Variants in PDZRN3 observed in about 807,000 individuals in gnomAD.
PDZRN3 encodes E3 ubiquitin-protein ligase PDZRN3.
Under a neutral mutation model 85.7 loss-of-function variants are expected in PDZRN3, and 38 were observed. That is an observed-to-expected ratio of 0.44 (90% CI 0.34 to 0.58). The LOEUF (loss-of-function observed/expected upper bound fraction) is 0.58, where lower values mean the gene tolerates loss of function less well. PDZRN3 is among the 20% of genes least tolerant of loss of function. The pLI is 0.01. For synonymous variants in PDZRN3, 759 were observed against 638.0 expected, an observed-to-expected ratio of 1.19 and a Z score of -2.86; for missense variants, 1,629 against 1,506.4, an observed-to-expected ratio of 1.08 and a Z score of -1.35.
At chr3:73,610,516 A>G (rs1702666759) in intron 1 of PDZRN3, among the ~76,000 whole-genome samples, 1 of 152,266 alleles carries the variant, frequency 6.6e-6, no homozygotes, top group Non-Finnish European at 1.5e-5. Flanking sequence ...TGATTTTCAA[A>G]TTGAAACAGT....
intron 3 of PDZRN3, among the ~76,000 whole-genome samples, chr3:73,407,062 C>G (rs1256281676): frequency 6.6e-6 from 1 of 152,224 alleles, no homozygotes; most frequent in Non-Finnish European, 1.5e-5. Context: ...TTGTGATGGG[C>G]TCCCGCCTAT....
At position 73,624,587 on chromosome 3, in the gene PDZRN3, A is replaced by C; in HGVS notation, c.239T>G (p.Ile80Ser). The change falls in exon 1 of 10, where the codon ATC becomes AGC. Residue 80 changes from isoleucine to serine, a missense_variant. Ile to Ser is a moderately radical substitution (Grantham distance 142). Coordinates refer to ENST00000263666, the MANE Select transcript of PDZRN3 (RefSeq NM_015009.3). ...GCCGCGCGTCGCGTACGCGCACTTG[A>C]TGTCCAGCTTGAGGATAAGGCGCTT... is the stretch of plus-strand genomic sequence containing the variant. ...PLKRLILKLD[I>S]KCAYATRGCG... 3 of 1,553,674 alleles carry C rather than the reference A, an allele frequency of 1.9e-6. No homozygotes were observed. The highest frequency in any genetic ancestry group is 2.4e-5 in the South Asian group (2 of 84,054).
At chr3:73,581,220 T>C (rs1354528896) in intron 3 of PDZRN3, among the ~76,000 whole-genome samples, 2 of 152,268 alleles carry the variant, frequency 1.3e-5, no homozygotes, top group African/African-American at 4.8e-5. Flanking sequence ...TTGCTTATGA[T>C]GTTTTTTATT....
chr3:73,400,707 T>A (rs549725209), intron 5 of PDZRN3, among the ~76,000 whole-genome samples: 1 of 152,352 alleles, frequency 6.6e-6, no homozygotes, highest in East Asian at 1.9e-4. Flanking sequence ...AAAAAAAGTT[T>A]ACATTTCTGC....
intron 1 of PDZRN3, among the ~76,000 whole-genome samples, chr3:73,609,874 G>C (rs1022206325): frequency 2.0e-5 from 3 of 152,198 alleles, no homozygotes; most frequent in Non-Finnish European, 4.4e-5. Context: ...AGTGCCCTGT[G>C]AGTTTTCTGG....
In PDZRN3 at chr3:73,384,007, C is replaced by G. The variant is rs960416270; in HGVS notation, c.2559G>C (p.Gln853His). The G allele has an allele frequency of 4.4e-6, 7 of 1,589,830 alleles. No individual in the cohort carries two copies. The Admixed American group carries it at 5.2e-5, about 12-fold the overall frequency. ...SDGSRSPTPS[Q>H]KLGSAYLPSY... ...AGGGCAGGTAGGCGCTGCCCAGCTT[C>G]TGGCTGGGCGTGGGGCTCCGGCTCC... The change falls in exon 10 of 10, where the codon CAG becomes CAC. Residue 853 changes from glutamine to histidine, a missense_variant. Physicochemically the swap from Gln to His is conservative, Grantham distance 24. Coordinates refer to ENST00000263666, the MANE Select transcript of PDZRN3 (RefSeq NM_015009.3).
intron 3 of PDZRN3, among the ~76,000 whole-genome samples, chr3:73,473,467 A>G (rs1380778974): frequency 6.8e-6 from 1 of 146,414 alleles, no homozygotes. Context: ...GGCAAAGAGG[A>G]AAAAAAAAAA....
chr3:73,416,889 T>TG (rs1702098929), intron 3 of PDZRN3, among the ~76,000 whole-genome samples: 3 of 135,064 alleles, frequency 2.2e-5, no homozygotes, highest in African/African-American at 6.3e-5. Context: ...TTTTTTTTTT[T>TG]TTTTTTTTTT....
intron 3 of PDZRN3, among the ~76,000 whole-genome samples, chr3:73,508,027 G>A (rs1292586716): frequency 1.3e-5 from 2 of 152,076 alleles, no homozygotes; most frequent in African/African-American, 2.4e-5. Context: ...CTCAGGAGGT[G>A]AAGGTTGCAA....
At chr3:73,565,824 C>T (rs1278938357) in intron 3 of PDZRN3, among the ~76,000 whole-genome samples, 1 of 109,564 alleles carries the variant, frequency 9.1e-6, no homozygotes, top group Non-Finnish European at 2.1e-5. Context: ...CACACACACA[C>T]ACACACACAG....
intron 3 of PDZRN3, among the ~76,000 whole-genome samples, chr3:73,430,831 T>G (rs1354023404): frequency 6.6e-6 from 1 of 152,306 alleles, no homozygotes; most frequent in African/African-American, 2.4e-5. Context: ...GAGACTGTAC[T>G]CCTTGACAAC....
At position 73,545,438 on chromosome 3, in the gene PDZRN3, C is replaced by T. The variant is rs139043088; in HGVS notation, c.918+56916G>A. ...ATAATATGTTCTACAACTTTAGCTA[C>T]GTAAGAAAAAAAATGCAACTGGACA... On this transcript the variant is annotated intron_variant, in intron 3 of 9. Coordinates refer to ENST00000263666, the MANE Select transcript of PDZRN3 (RefSeq NM_015009.3). 5.3e-3 allele frequency among the ~76,000 whole-genome samples: 810 copies of T among 152,094 alleles called. 2 individuals carry two copies. The highest frequency in any genetic ancestry group is 0.01 in the Middle Eastern group (3 of 294).
Position 73,469,130 on chromosome 3 carries a change from G to C in PDZRN3, c.919-64735C>G, listed in dbSNP as rs146024685. 2.8e-3 allele frequency among the ~76,000 whole-genome samples: 428 copies of C among 150,756 alleles called. 1 individual carries two copies. The highest frequency in any genetic ancestry group is 5.2e-3 in the Non-Finnish European group (352 of 67,830). On this transcript the variant is annotated intron_variant, in intron 3 of 9. Transcript: ENST00000263666. ...ACTCTGTCACCCAGGCTAGAGTGCA[G>C]TGGCACAATCTCGGCTCACTGCAAC...
At chr3:73,433,553 T>A in intron 3 of PDZRN3, 1 of 868,996 alleles carries the variant, frequency 1.2e-6, no homozygotes, top group South Asian at 1.6e-5. Context: ...AAAACACACA[T>A]AAAAATCCCC....
chr3:73,405,045 T>C (rs1008721578), intron 3 of PDZRN3, among the ~76,000 whole-genome samples: 1 of 152,222 alleles, frequency 6.6e-6, no homozygotes, highest in South Asian at 2.1e-4. Context: ...CCTGCACTTA[T>C]TGAGTGACTA....
intron 3 of PDZRN3, among the ~76,000 whole-genome samples, chr3:73,600,335 A>ACTCTCTCTCTCTCT (rs555285407): frequency 1.7e-4 from 8 of 46,962 alleles, no homozygotes; most frequent in East Asian, 4.3e-4. Flanking sequence ...ACACACACAC[A>ACTCTCTCTCTCTCT]CACTCTCTCT....
chr3:73,598,647 G>A (rs532854842), intron 3 of PDZRN3, among the ~76,000 whole-genome samples: 100 of 152,202 alleles, frequency 6.6e-4, no homozygotes, highest in Non-Finnish European at 1.2e-3. Flanking sequence ...TGGGCTGGAA[G>A]GGCACTTCAT....
chr3:73,471,052 G>A (rs2106885281), intron 3 of PDZRN3, among the ~76,000 whole-genome samples: 1 of 152,280 alleles, frequency 6.6e-6, no homozygotes, highest in African/African-American at 2.4e-5. Flanking sequence ...CCTTCAGAAT[G>A]TGACCTTATT....
intron 3 of PDZRN3, among the ~76,000 whole-genome samples, chr3:73,404,938 A>G (rs1701824372): frequency 6.6e-6 from 1 of 152,336 alleles, no homozygotes; most frequent in South Asian, 2.1e-4. Flanking sequence ...TGGAGAAGGA[A>G]TTCAAATGGC....
Sources: gnomAD v4.1 joint callset for allele counts (sites outside exome capture counted in the v4.1 genomes callset) on GRCh38, gnomAD v4.1.1 for gene constraint, MANE v1.5 for transcripts, NCBI Gene and HGNC (gene_info 2026-07-23, HGNC 2026-07-21) for gene names.